RORA: variants seen among roughly 807,000 people sequenced by gnomAD.
RORA encodes RAR related orphan receptor A, also known as nuclear receptor ROR-alpha.
RORA carries 7 observed loss-of-function variants against 69.5 expected under a neutral mutation model. The observed-to-expected ratio is 0.10, with a 90% CI of 0.06 to 0.19. RORA has a LOEUF of 0.19. RORA is among the 10% of genes least tolerant of loss of function. The pLI, the probability that RORA is intolerant of heterozygous loss-of-function variation, is 1.00. For missense variants in RORA, 457 were observed against 663.0 expected, an observed-to-expected ratio of 0.69 and a Z score of 3.41; for synonymous variants, 261 against 240.8, an observed-to-expected ratio of 1.08 and a Z score of -0.78.
intron 1 of RORA, among the ~76,000 whole-genome samples, chr15:60,748,688 T>C (rs1254642520): frequency 2.0e-5 from 3 of 152,226 alleles, no homozygotes; most frequent in Non-Finnish European, 2.9e-5. Flanking sequence ...CCTGGTTTCT[T>C]TGAATCCCAC....
chr15:60,800,673 C>G (rs1670887084), intron 1 of RORA, among the ~76,000 whole-genome samples: 1 of 152,110 alleles, frequency 6.6e-6, no homozygotes, highest in Non-Finnish European at 1.5e-5. Flanking sequence ...GGCTATAGAC[C>G]AGTAACTATT....
At chr15:60,984,606 T>C (rs2140363358) in intron 1 of RORA, among the ~76,000 whole-genome samples, 1 of 152,212 alleles carries the variant, frequency 6.6e-6, no homozygotes, top group South Asian at 2.1e-4. Flanking sequence ...TAATAACCAG[T>C]GCTACTCAAA....
intron 1 of RORA, among the ~76,000 whole-genome samples, chr15:60,737,795 C>T (rs1209045979): frequency 6.6e-6 from 1 of 152,164 alleles, no homozygotes; most frequent in Non-Finnish European, 1.5e-5. Flanking sequence ...CCACTGGGCT[C>T]CTGGAAGCTC....
At chr15:60,813,311 CT>C (rs1655709040) in intron 1 of RORA, among the ~76,000 whole-genome samples, 1 of 152,222 alleles carries the variant, frequency 6.6e-6, no homozygotes, top group African/African-American at 2.4e-5. Flanking sequence ...GGAGTTCTAT[CT>C]GGACGCCCAG....
chr15:60,974,300 C>G (rs1893813171), intron 1 of RORA, among the ~76,000 whole-genome samples: 1 of 152,204 alleles, frequency 6.6e-6, no homozygotes. Context: ...AATATGAAGA[C>G]TGTGTCTGTA....
intron 1 of RORA, among the ~76,000 whole-genome samples, chr15:61,059,504 T>G (rs1450345920): frequency 1.3e-5 from 2 of 152,246 alleles, no homozygotes; most frequent in African/African-American, 4.8e-5. Context: ...GACCATTGTA[T>G]AAGGAATTAT....
chr15:60,692,378 G>A lies in RORA; in HGVS notation c.167-13692C>T, dbSNP rs114719132. ...ATCATTTCTTGACTAATACTCTTTT[G>A]GACCACATGGCAGGTCTGTGGGGTA... On this transcript the variant is annotated intron_variant, in intron 1 of 10. Transcript: ENST00000335670. Among the ~76,000 whole-genome samples the A allele has an allele frequency of 4.0e-3, 613 of 152,084 alleles. 3 individuals are homozygous for A. Among genetic ancestry groups the A allele is most frequent in the African/African-American group, 0.014 (582 of 41,438 alleles).
chr15:61,228,889 G>C (rs1290509285), intron 1 of RORA, among the ~76,000 whole-genome samples, 164 bp downstream of exon 1: 1 of 150,176 alleles, frequency 6.7e-6, no homozygotes, highest in Non-Finnish European at 1.5e-5. Flanking sequence ...AACATTTCTG[G>C]GGGGCGGAGG....
rs542532320 is a variant in RORA at position 61,093,237 on chromosome 15, T to C, written c.166+135816A>G. Among the ~76,000 whole-genome samples the C allele has an allele frequency of 3.3e-4, 51 of 152,354 alleles. No individual in the cohort carries two copies. The South Asian group carries it at 0.01, about 31-fold the overall frequency. On this transcript the variant is annotated intron_variant, in intron 1 of 10. Transcript: ENST00000335670. ...TTTAAGAGTTTTCTTAAATCCCAAC[T>C]AGAAAGATAAACTTCCTTTCCTATT...
chr15:61,164,082 A>G (rs2079520225), intron 1 of RORA, among the ~76,000 whole-genome samples: 1 of 152,130 alleles, frequency 6.6e-6, no homozygotes, highest in Non-Finnish European at 1.5e-5. Flanking sequence ...AAGAGAGTGT[A>G]GGTGTCTGTG....
chr15:60,921,282 A>AATTCC (rs1437189859), intron 1 of RORA, among the ~76,000 whole-genome samples: 2 of 152,188 alleles, frequency 1.3e-5, no homozygotes, highest in African/African-American at 4.8e-5. Context: ...AAATACCACT[A>AATTCC]ATTCCATCCC....
chr15:60,503,731 C>T (rs2065403740), intron 6 of RORA, 64 bp from the exon 7 acceptor site: 4 of 1,589,016 alleles, frequency 2.5e-6, no homozygotes, highest in Non-Finnish European at 3.4e-6. Context: ...GCAGAAGCTG[C>T]AGAGTTATGA....
At chr15:60,920,196 T>A (rs1387785317) in intron 1 of RORA, among the ~76,000 whole-genome samples, 2 of 152,228 alleles carry the variant, frequency 1.3e-5, no homozygotes, top group East Asian at 3.8e-4. Context: ...TATGCATCTA[T>A]CTATGTATCT....
intron 2 of RORA, among the ~76,000 whole-genome samples, chr15:60,624,513 GTA>G (rs60245502): frequency 0.021 from 2,345 of 109,876 alleles, 81 homozygotes; most frequent in African/African-American, 0.079. Flanking sequence ...GTATGTGTGT[GTA>G]TATATATATA....
intron 7 of RORA, 108 bp from the exon 8 acceptor site, chr15:60,502,975 C>T (rs994334013): frequency 2.1e-5 from 17 of 803,716 alleles, no homozygotes; most frequent in African/African-American, 1.5e-4. Flanking sequence ...TGGTGGGTGT[C>T]GTGTGCAGTT....
intron 1 of RORA, among the ~76,000 whole-genome samples, chr15:61,015,584 G>A (rs991668532): frequency 7.2e-5 from 11 of 152,064 alleles, no homozygotes; most frequent in African/African-American, 2.7e-4. Context: ...TGTAGAAGAC[G>A]CTGTATTGAG....
intron 2 of RORA, among the ~76,000 whole-genome samples, chr15:60,582,473 A>G (rs1183500337): frequency 2.6e-5 from 4 of 152,210 alleles, no homozygotes; most frequent in African/African-American, 9.7e-5. Context: ...TGAACAACTG[A>G]GGTTTAACCT....
chr15:61,035,823 A>G (rs1896431439), intron 1 of RORA, among the ~76,000 whole-genome samples: 1 of 152,250 alleles, frequency 6.6e-6, no homozygotes, highest in African/African-American at 2.4e-5. Flanking sequence ...AGAGAGATAC[A>G]GAGAAAAGAG....
At chr15:61,108,184 T>A (rs189414231) in intron 1 of RORA, among the ~76,000 whole-genome samples, 3 of 152,296 alleles carry the variant, frequency 2.0e-5, no homozygotes, top group African/African-American at 7.2e-5. Flanking sequence ...CCTTAAGTGA[T>A]CCCTAGTACC....
Sources: gnomAD v4.1 joint callset for allele counts (sites outside exome capture counted in the v4.1 genomes callset) on GRCh38, gnomAD v4.1.1 for gene constraint, MANE v1.5 for transcripts, NCBI Gene and HGNC (gene_info 2026-07-23, HGNC 2026-07-21) for gene names.